Variants in MCU observed in about 807,000 individuals in gnomAD.
MCU encodes calcium uniporter protein, mitochondrial.
A neutral mutation model predicts 45.2 loss-of-function variants in MCU; 12 were observed. The observed-to-expected ratio is 0.27, with a 90% CI of 0.17 to 0.43. The LOEUF is 0.43. Among genes scored for constraint, MCU ranks in the 20% least tolerant of loss-of-function variants. The probability of loss-of-function intolerance (pLI) is 1.00; values close to 1 mark genes in which losing one functional copy is unlikely to be tolerated. For synonymous variants in MCU, 160 were observed against 165.1 expected, an observed-to-expected ratio of 0.97 and a Z score of 0.24; for missense variants, 324 against 436.7, an observed-to-expected ratio of 0.74 and a Z score of 2.30.
At chr10:72,770,313 A>AT (rs1444386750) in intron 1 of MCU, among the ~76,000 whole-genome samples, 1 of 151,764 alleles carries the variant, frequency 6.6e-6, no homozygotes, top group Non-Finnish European at 1.5e-5. Context: ...TCCTCTAATG[A>AT]TTTTTTTCCA....
rs1381890247 is a variant in MCU at position 72,885,996 on chromosome 10, G to A, written c.*174G>A. 3.5e-6 allele frequency: 2 copies of A among 576,778 alleles called. No homozygotes were observed. The highest frequency in any genetic ancestry group is 5.8e-5 in the East Asian group (2 of 34,494). 35.7% of individuals were successfully genotyped at this position (576,778 alleles called of 1,614,324 possible). On this transcript the variant is annotated 3_prime_UTR_variant, in exon 8 of 8. Transcript: ENST00000373053. ...AGGGAATGTTAAAACCTGAGGATCA[G>A]GCATTGTGGAATATAAGCTCAAAGG...
intron 1 of MCU, among the ~76,000 whole-genome samples, chr10:72,738,603 G>A (rs1843282718): frequency 6.6e-6 from 1 of 152,190 alleles, no homozygotes; most frequent in Admixed American, 6.5e-5. Flanking sequence ...AAAGCCAAAG[G>A]AAATGTTATG....
intron 1 of MCU, among the ~76,000 whole-genome samples, chr10:72,710,051 C>G (rs1328840985): frequency 1.3e-5 from 2 of 152,334 alleles, no homozygotes; most frequent in Non-Finnish European, 2.9e-5. Context: ...TCTCAGGTCA[C>G]TGCAACCTCT....
At chr10:72,781,994 C>CAATG (rs1844001772) in intron 1 of MCU, among the ~76,000 whole-genome samples, 1 of 152,126 alleles carries the variant, frequency 6.6e-6, no homozygotes, top group African/African-American at 2.4e-5. Flanking sequence ...TGAAAGAAAC[C>CAATG]AATGAATGCT....
At chr10:72,805,072 A>G (rs1412923948) in intron 1 of MCU, among the ~76,000 whole-genome samples, 1 of 142,546 alleles carries the variant, frequency 7.0e-6, no homozygotes, top group Admixed American at 6.9e-5. Context: ...ACCTGGCCCT[A>G]GTTTGTTTCT....
At chr10:72,880,554 C>G (rs1158905204) in intron 6 of MCU, among the ~76,000 whole-genome samples, 3 of 152,016 alleles carry the variant, frequency 2.0e-5, no homozygotes, top group Admixed American at 6.5e-5. Flanking sequence ...TTCTACTCAA[C>G]TGATCCATTA....
chr10:72,752,583 A>C (rs1843518274), intron 1 of MCU, among the ~76,000 whole-genome samples: 1 of 151,988 alleles, frequency 6.6e-6, no homozygotes, highest in South Asian at 2.1e-4. Flanking sequence ...GCAACAACAA[A>C]ACTGAGGGCA....
intron 1 of MCU, among the ~76,000 whole-genome samples, chr10:72,797,695 C>T (rs182983098): frequency 7.3e-5 from 11 of 151,596 alleles, no homozygotes; most frequent in East Asian, 1.9e-4. Flanking sequence ...CCACCACGCC[C>T]GGCTAGTTTT....
intron 1 of MCU, among the ~76,000 whole-genome samples, chr10:72,814,274 T>G (rs1053336143): frequency 6.6e-6 from 1 of 152,354 alleles, no homozygotes; most frequent in South Asian, 2.1e-4. Flanking sequence ...TTAATCCAAG[T>G]GGTACAACTG....
intron 1 of MCU, among the ~76,000 whole-genome samples, chr10:72,755,867 GTC>G (rs1032918839): frequency 6.7e-6 from 1 of 149,758 alleles, no homozygotes; most frequent in South Asian, 2.1e-4. Context: ...TTGAGACAGA[GTC>G]TCTCTCTCTG....
chr10:72,824,372 ATT>A (rs66765142), intron 1 of MCU, among the ~76,000 whole-genome samples: 1 of 133,748 alleles, frequency 7.5e-6, no homozygotes, highest in Admixed American at 7.5e-5. Context: ...AATTTTTTGT[ATT>A]TTTTTTTTTT....
chr10:72,774,212 A>T (rs975988538), intron 1 of MCU, among the ~76,000 whole-genome samples: 6 of 152,212 alleles, frequency 3.9e-5, no homozygotes, highest in African/African-American at 1.4e-4. Context: ...CTGTTAAGAG[A>T]TAGGTAATGT....
At chr10:72,786,971 A>G (rs1189471650) in intron 1 of MCU, among the ~76,000 whole-genome samples, 1 of 152,182 alleles carries the variant, frequency 6.6e-6, no homozygotes, top group East Asian at 1.9e-4. Context: ...TCAAATAGCA[A>G]AATAGCAAAG....
At chr10:72,706,800 G>C (rs1375030245) in intron 1 of MCU, among the ~76,000 whole-genome samples, 3 of 147,874 alleles carry the variant, frequency 2.0e-5, no homozygotes, top group African/African-American at 7.5e-5. Context: ...CTCCCAAAGT[G>C]CTGGGATTAT....
intron 1 of MCU, among the ~76,000 whole-genome samples, chr10:72,804,029 T>TATATATATATATAC (rs1844384350): frequency 2.9e-5 from 1 of 34,182 alleles, no homozygotes. Flanking sequence ...TATATATATA[T>TATATATATATATAC]ATATATATAT....
intron 1 of MCU, among the ~76,000 whole-genome samples, chr10:72,818,915 G>A (rs550594975): frequency 6.6e-6 from 1 of 151,486 alleles, no homozygotes; most frequent in Non-Finnish European, 1.5e-5. Flanking sequence ...AAACATATTG[G>A]CAAATACAAG....
At chr10:72,761,499 T>C (rs1025998095) in intron 1 of MCU, among the ~76,000 whole-genome samples, 2 of 152,220 alleles carry the variant, frequency 1.3e-5, no homozygotes, top group Non-Finnish European at 2.9e-5. Context: ...TGGTACTTTT[T>C]GGTATTTTAT....
At chr10:72,843,514 G>A (rs777067406) in intron 2 of MCU, among the ~76,000 whole-genome samples, 29 of 152,072 alleles carry the variant, frequency 1.9e-4, no homozygotes, top group Non-Finnish European at 2.9e-4. Flanking sequence ...CTGAATAATA[G>A]TCTGTTATCT....
At chr10:72,754,914 G>T (rs1843552900) in intron 1 of MCU, among the ~76,000 whole-genome samples, 2 of 152,190 alleles carry the variant, frequency 1.3e-5, no homozygotes, top group South Asian at 4.1e-4. Context: ...TGATGTTAAA[G>T]ATTTCTTAGC....
Sources: gnomAD v4.1 joint callset for allele counts (sites outside exome capture counted in the v4.1 genomes callset) on GRCh38, gnomAD v4.1.1 for gene constraint, MANE v1.5 for transcripts, NCBI Gene and HGNC (gene_info 2026-07-23, HGNC 2026-07-21) for gene names.